The following DDX10 variants were observed in gnomAD, a reference collection of about 807,000 sequenced individuals.
DDX10 encodes probable ATP-dependent RNA helicase DDX10.
DDX10 carries 74 observed loss-of-function variants against 104.3 expected under a neutral mutation model. The ratio of observed to expected loss-of-function variants is 0.71; its 90% CI spans 0.59 to 0.86. The LOEUF (loss-of-function observed/expected upper bound fraction) is 0.86. Ranked by LOEUF, DDX10 falls within the 40% of genes least tolerant of loss-of-function variation. The pLI is 0.00. For missense variants in DDX10, 952 were observed against 1,040.0 expected (o/e 0.92, Z 1.16); for synonymous variants, 351 against 353.4 (o/e 0.99, Z 0.08).
intron 9 of DDX10, among the ~76,000 whole-genome samples, chr11:108,696,850 A>G (rs961153366): frequency 9.2e-5 from 14 of 152,212 alleles, no homozygotes; most frequent in Non-Finnish European, 1.8e-4. Context: ...GAATACATTT[A>G]GCAGTAAAAT....
intron 13 of DDX10, among the ~76,000 whole-genome samples, chr11:108,810,850 T>C (rs1290658215): frequency 1.3e-5 from 2 of 152,188 alleles, no homozygotes; most frequent in African/African-American, 2.4e-5. Flanking sequence ...GCATGTTGCC[T>C]TTTTGGTGAG....
intron 9 of DDX10, among the ~76,000 whole-genome samples, chr11:108,698,916 G>A (rs1009118620): frequency 1.6e-4 from 24 of 152,200 alleles, no homozygotes; most frequent in Non-Finnish European, 3.1e-4. Flanking sequence ...TACTGGTGCT[G>A]TCTCTTTTCT....
chr11:108,800,589 A>G (rs1221935290), intron 13 of DDX10, among the ~76,000 whole-genome samples: 1 of 152,124 alleles, frequency 6.6e-6, no homozygotes, highest in African/African-American at 2.4e-5. Context: ...CCTAATGACA[A>G]CCTATTGGTA....
chr11:108,814,754 A>G (rs559448226), intron 13 of DDX10, among the ~76,000 whole-genome samples: 2 of 152,342 alleles, frequency 1.3e-5, no homozygotes, highest in Non-Finnish European at 2.9e-5. Flanking sequence ...TAGGGGGAAG[A>G]TTATAATACA....
At chr11:108,674,410 C>CT (rs1253238990) in intron 2 of DDX10, among the ~76,000 whole-genome samples, 1 of 152,056 alleles carries the variant, frequency 6.6e-6, no homozygotes, top group African/African-American at 2.4e-5. Context: ...TTACCTCATC[C>CT]TTTTGTGTTT....
intron 9 of DDX10, among the ~76,000 whole-genome samples, chr11:108,697,324 A>T (rs778165532): frequency 3.7e-4 from 56 of 151,976 alleles, no homozygotes; most frequent in Non-Finnish European, 4.4e-4. Flanking sequence ...AATTGAATTG[A>T]ATAAAGGCTA....
At chr11:108,706,703 A>G (rs778489406) in intron 9 of DDX10, 36 bp from the exon 10 acceptor site, 3 of 1,491,414 alleles carry the variant, frequency 2.0e-6, no homozygotes, top group Non-Finnish European at 2.8e-6. Context: ...TGCAGATTGC[A>G]TTGATGTGTT....
intron 13 of DDX10, among the ~76,000 whole-genome samples, chr11:108,825,862 C>T (rs556390101): frequency 3.7e-4 from 57 of 152,180 alleles, no homozygotes; most frequent in South Asian, 1.7e-3. Context: ...CAAGCCTTGA[C>T]AAATGAGTAA....
intron 13 of DDX10, among the ~76,000 whole-genome samples, chr11:108,793,988 T>G (rs976400764): frequency 6.6e-6 from 1 of 152,186 alleles, no homozygotes; most frequent in African/African-American, 2.4e-5. Context: ...CCATCCACGT[T>G]TCTGCAAATG....
intron 13 of DDX10, among the ~76,000 whole-genome samples, chr11:108,776,657 A>G (rs2094370265): frequency 2.0e-5 from 3 of 152,180 alleles, no homozygotes; most frequent in Admixed American, 1.3e-4. Context: ...GGTGGGCCCA[A>G]TACTCACGTG....
At position 108,665,175 on chromosome 11, in the gene DDX10, C is replaced by G; in HGVS notation, c.22C>G (p.Pro8Ala). The G allele has an allele frequency of 6.2e-7, 1 of 1,611,062 alleles. No homozygotes were observed. The highest frequency in any genetic ancestry group is 1.3e-5 in the African/African-American group (1 of 74,894). ...CGCAATGGGCAAAACGGCCAACTCT[C>G]CGGGTTCGGGAGCCCGACCCGACCC... is the stretch of plus-strand genomic sequence containing the variant. MGKTANSPGSGARPDPVR... is the reference protein window; with the variant it reads MGKTANSAGSGARPDPVR... The change falls in exon 1 of 18, where the codon CCG (proline) becomes GCG (alanine). Residue 8 changes from proline (P) to alanine (A), a missense_variant. Coordinates refer to ENST00000322536, the MANE Select transcript of DDX10 (RefSeq NM_004398.4).
At chr11:108,679,330 A>G (rs376507692) in intron 5 of DDX10, 41 bp from the exon 6 acceptor site, 61 of 1,513,460 alleles carry the variant, frequency 4.0e-5, no homozygotes, top group Non-Finnish European at 4.8e-5. Context: ...CCTAATGTAT[A>G]TTTTACATAT....
At chr11:108,675,812 T>A (rs2094224256) in intron 3 of DDX10, 86 bp downstream of exon 3, 2 of 1,498,794 alleles carry the variant, frequency 1.3e-6, no homozygotes, top group Admixed American at 3.8e-5. Flanking sequence ...AAAGAGATGT[T>A]TTCATGTTAG....
At chr11:108,875,695 T>C (rs1228915012) in intron 16 of DDX10, among the ~76,000 whole-genome samples, 1 of 152,190 alleles carries the variant, frequency 6.6e-6, no homozygotes. Context: ...TAACATCTAA[T>C]ATAATAACTA....
chr11:108,747,467 T>G (rs2094333225), intron 13 of DDX10, among the ~76,000 whole-genome samples: 1 of 152,150 alleles, frequency 6.6e-6, no homozygotes, highest in Admixed American at 6.5e-5. Flanking sequence ...ATTTTCCATT[T>G]CTGTAGGGTA....
intron 9 of DDX10, among the ~76,000 whole-genome samples, chr11:108,704,189 A>G (rs1488140112): frequency 1.3e-5 from 2 of 152,222 alleles, no homozygotes; most frequent in Non-Finnish European, 2.9e-5. Flanking sequence ...CAGTTGGAAC[A>G]TGAGAGAACA....
chr11:108,675,583 T>C lies in DDX10; in HGVS notation c.248-13T>C, dbSNP rs770272773. ...GATCTTCTAAAGTATAATTCTTCCC[T>C]CCATGTTGCCAGGTTTGCAAGAAGC... On this transcript the variant is annotated splice_polypyrimidine_tract_variant and intron_variant, in intron 2 of 17. Coordinates refer to ENST00000322536, the MANE Select transcript of DDX10 (RefSeq NM_004398.4). 1 of 1,612,684 alleles carries C rather than the reference T, an allele frequency of 6.2e-7. No homozygotes were observed.
intron 13 of DDX10, among the ~76,000 whole-genome samples, chr11:108,762,449 A>G (rs1390827167): frequency 6.6e-6 from 1 of 152,222 alleles, no homozygotes; most frequent in Admixed American, 6.5e-5. Flanking sequence ...AATGATGGTA[A>G]TTGGGCATTA....
At position 108,835,046 on chromosome 11, in the gene DDX10, G is replaced by A. The variant is rs559230781; in HGVS notation, c.1966-3400G>A. On this transcript the variant is annotated intron_variant, in intron 13 of 17. Coordinates refer to ENST00000322536, the MANE Select transcript of DDX10 (RefSeq NM_004398.4). ...TGTTGATGGTGGTCTCTAAGCCTTTGTGAGGAAAAGGAGGTGTAGGAATAC... is the reference window on the plus strand; with the variant it reads ...TGTTGATGGTGGTCTCTAAGCCTTTATGAGGAAAAGGAGGTGTAGGAATAC... Among the ~76,000 whole-genome samples, 4 of 151,824 alleles carry A rather than the reference G, an allele frequency of 2.6e-5. No homozygotes were observed. The East Asian group carries it at 7.7e-4, about 29-fold the overall frequency.
Sources: allele counts gnomAD v4.1 joint callset (sites outside exome capture counted in the v4.1 genomes callset), GRCh38; gene constraint gnomAD v4.1.1; transcripts MANE v1.5; gene names NCBI Gene and HGNC (gene_info 2026-07-23, HGNC 2026-07-21).